Variants in CHN1 observed in about 807,000 individuals in gnomAD.
CHN1 encodes N-chimaerin.
CHN1 carries 37 observed loss-of-function variants against 59.5 expected under a neutral mutation model. The ratio of observed to expected loss-of-function variants is 0.62; its 90% confidence interval spans 0.48 to 0.82. The LOEUF (loss-of-function observed/expected upper bound fraction) is 0.82. Among genes scored for constraint, CHN1 ranks in the 40% least tolerant of loss-of-function variants. The pLI is 0.00. For missense variants in CHN1, 469 were observed against 571.0 expected (o/e 0.82, Z 1.82); for synonymous variants, 206 against 200.4 (o/e 1.03, Z -0.24).
In CHN1 at chr2:174,894,493, C is replaced by A. The variant is rs142969822; in HGVS notation, c.261-16365G>T. Among the ~76,000 whole-genome samples the A allele has an allele frequency of 4.5e-3, 677 of 152,104 alleles. 6 individuals are homozygous for A. Among genetic ancestry groups the A allele is most frequent in the African/African-American group, 0.015 (637 of 41,512 alleles). ...AATAACAAATGGTGAGGATGTGGAA[C>A]AAATGGAATGCTTGTGTACAGTTGG... On this transcript the variant is annotated intron_variant, in intron 5 of 12. Coordinates refer to ENST00000409900, the MANE Select transcript of CHN1 (RefSeq NM_001822.7).
chr2:174,972,368 C>T (rs1690785301), intron 1 of CHN1, among the ~76,000 whole-genome samples: 1 of 152,166 alleles, frequency 6.6e-6, no homozygotes, highest in Non-Finnish European at 1.5e-5. Context: ...CTGTCTGCAT[C>T]TCAAGAAGGA....
chr2:174,805,809 G>GA (rs1359733039), intron 11 of CHN1, among the ~76,000 whole-genome samples: 1 of 147,050 alleles, frequency 6.8e-6, no homozygotes, highest in African/African-American at 2.4e-5. Context: ...CTCAGTGGCA[G>GA]AGCTGAGGAA....
At chr2:174,800,353 C>T in intron 12 of CHN1, 66 bp from the exon 13 acceptor site, 3 of 1,194,994 alleles carry the variant, frequency 2.5e-6, no homozygotes, top group Non-Finnish European at 3.3e-6. Context: ...TGTGCTTGAA[C>T]ACTAAAACAA....
At chr2:174,981,971 G>A (rs200369216) in intron 1 of CHN1, among the ~76,000 whole-genome samples, 152 of 151,990 alleles carry the variant, frequency 1.0e-3, no homozygotes, top group African/African-American at 3.5e-3. Context: ...GACAGGCCCC[G>A]GTGTGTGATG....
intron 11 of CHN1, among the ~76,000 whole-genome samples, chr2:174,802,923 A>AG (rs1684773478): frequency 6.6e-6 from 1 of 152,174 alleles, no homozygotes; most frequent in South Asian, 2.1e-4. Flanking sequence ...CTGTAATCCC[A>AG]GCTACTTGGG....
chr2:174,995,960 A>T (rs1691693074), intron 1 of CHN1, among the ~76,000 whole-genome samples: 1 of 152,174 alleles, frequency 6.6e-6, no homozygotes, highest in Non-Finnish European at 1.5e-5. Flanking sequence ...GTTCTATTTT[A>T]TTATTAGTTA....
intron 8 of CHN1, among the ~76,000 whole-genome samples, chr2:174,814,382 CTG>C (rs1685173310): frequency 6.6e-6 from 1 of 152,222 alleles, no homozygotes; most frequent in African/African-American, 2.4e-5. Context: ...TTCTTTATCT[CTG>C]TATTAGAGAA....
intron 5 of CHN1, among the ~76,000 whole-genome samples, chr2:174,881,739 G>A (rs893940969): frequency 1.1e-4 from 16 of 152,176 alleles, no homozygotes; most frequent in African/African-American, 3.9e-4. Flanking sequence ...TTAACAAAAG[G>A]CAAGGAGGAG....
chr2:174,813,640 AC>A (rs1253587850), intron 8 of CHN1, among the ~76,000 whole-genome samples: 1 of 152,212 alleles, frequency 6.6e-6, no homozygotes, highest in Non-Finnish European at 1.5e-5. Context: ...AGTAAACCAT[AC>A]CTAAATAATT....
At chr2:174,942,306 C>T (rs1689690378) in intron 3 of CHN1, among the ~76,000 whole-genome samples, 1 of 152,114 alleles carries the variant, frequency 6.6e-6, no homozygotes, top group Non-Finnish European at 1.5e-5. Context: ...GGTTTATTTA[C>T]ACAATGGAAT....
At chr2:174,913,410 T>C (rs1381873720) in intron 5 of CHN1, among the ~76,000 whole-genome samples, 2 of 152,216 alleles carry the variant, frequency 1.3e-5, no homozygotes, top group Non-Finnish European at 1.5e-5. Context: ...TCTAGAATTA[T>C]AATATGTTAG....
At chr2:174,840,871 C>T (rs997836150) in intron 7 of CHN1, among the ~76,000 whole-genome samples, 2 of 151,894 alleles carry the variant, frequency 1.3e-5, no homozygotes, top group Non-Finnish European at 2.9e-5. Context: ...ACATGTCTTC[C>T]TCATTTAAAA....
intron 1 of CHN1, among the ~76,000 whole-genome samples, chr2:174,954,754 TC>T (rs1254806507): frequency 6.6e-6 from 1 of 152,068 alleles, no homozygotes; most frequent in Non-Finnish European, 1.5e-5. Flanking sequence ...AACACCTCAC[TC>T]CTACAAGAGT....
Position 174,799,641 on chromosome 2 carries a change from T to A in CHN1, c.*475A>T. 1.9e-6 allele frequency: 1 copy of A among 531,540 alleles called. No individual in the cohort carries two copies. The highest frequency in any genetic ancestry group is 3.6e-6 in the Non-Finnish European group (1 of 274,654). The allele number at this position is 531,540 out of a possible 1,614,324, so 32.9% of individuals were successfully genotyped here. ...ATTTGTAAAATGTAGGCATGTGATA[T>A]GGTTTATGGTAATGTAACAGCCAGA... is the stretch of plus-strand genomic sequence containing the variant. On this transcript the variant is annotated 3_prime_UTR_variant, in exon 13 of 13. Coordinates refer to ENST00000409900, the MANE Select transcript of CHN1 (RefSeq NM_001822.7).
chr2:174,987,533 G>A (rs1209026145), intron 1 of CHN1, among the ~76,000 whole-genome samples: 9 of 151,672 alleles, frequency 5.9e-5, no homozygotes, highest in East Asian at 1.9e-4. Context: ...TCAGCCTCCC[G>A]AGTAGCTGGG....
At chr2:174,994,790 A>C (rs1227907804) in intron 1 of CHN1, among the ~76,000 whole-genome samples, 3 of 152,232 alleles carry the variant, frequency 2.0e-5, no homozygotes, top group Non-Finnish European at 4.4e-5. Flanking sequence ...GCTGAAGCAC[A>C]GTCTCTAAGT....
chr2:174,940,231 G>A (rs185916322), intron 3 of CHN1, among the ~76,000 whole-genome samples: 10 of 152,162 alleles, frequency 6.6e-5, no homozygotes, highest in Non-Finnish European at 1.2e-4. Flanking sequence ...GTTTCACCAC[G>A]TTGGCCAGGC....
chr2:174,987,024 C>G (rs764281278), intron 1 of CHN1, among the ~76,000 whole-genome samples: 7 of 152,230 alleles, frequency 4.6e-5, no homozygotes, highest in Non-Finnish European at 1.0e-4. Context: ...GCATGAGCCA[C>G]CACGCCCAGC....
intron 1 of CHN1, among the ~76,000 whole-genome samples, chr2:174,989,015 A>G (rs997586941): frequency 2.6e-5 from 4 of 152,200 alleles, no homozygotes; most frequent in Admixed American, 6.5e-5. Flanking sequence ...TCATCTCTCA[A>G]TCTGCTAAAA....
Sources: gnomAD v4.1 joint callset for allele counts (sites outside exome capture counted in the v4.1 genomes callset) on GRCh38, gnomAD v4.1.1 for gene constraint, MANE v1.5 for transcripts, NCBI Gene and HGNC (gene_info 2026-07-23, HGNC 2026-07-21) for gene names.